The following KNDC1 variants were observed in gnomAD, a reference collection of about 807,000 sequenced individuals.
KNDC1 encodes kinase non-catalytic C-lobe domain-containing protein 1.
Under a neutral mutation model 172.8 loss-of-function variants are expected in KNDC1, and 106 were observed. The ratio of observed to expected loss-of-function variants is 0.61; its 90% CI spans 0.52 to 0.72. KNDC1 has a LOEUF of 0.72. Ranked by LOEUF, KNDC1 falls within the 30% of genes least tolerant of loss-of-function variation. The pLI is 0.00. For missense variants in KNDC1, 2,325 were observed against 2,394.5 expected (o/e 0.97, Z 0.61); for synonymous variants, 1,083 against 1,062.2 (o/e 1.02, Z -0.38).
intron 1 of KNDC1, among the ~76,000 whole-genome samples, chr10:133,161,149 A>C (rs1206801949): frequency 6.6e-6 from 1 of 152,042 alleles, no homozygotes; most frequent in Non-Finnish European, 1.5e-5. Flanking sequence ...CGCCCACCCT[A>C]CAGCACCGGC....
chr10:133,203,039 T>G (rs1175746602), intron 17 of KNDC1, among the ~76,000 whole-genome samples: 1 of 149,142 alleles, frequency 6.7e-6, no homozygotes, highest in African/African-American at 2.5e-5. Flanking sequence ...ACGCATGGCG[T>G]CCAGCGGGGA....
intron 3 of KNDC1, among the ~76,000 whole-genome samples, chr10:133,170,188 C>T (rs1388544586): frequency 6.6e-6 from 1 of 152,192 alleles, no homozygotes; most frequent in Non-Finnish European, 1.5e-5. Flanking sequence ...GTGTGTACAC[C>T]AAGAACACAT....
intron 17 of KNDC1, 124 bp from the exon 18 acceptor site, chr10:133,206,561 T>G: frequency 1.2e-6 from 1 of 815,146 alleles, no homozygotes; most frequent in Non-Finnish European, 2.1e-6. Flanking sequence ...TCTGTCTCCA[T>G]GGGACCCTGC....
In KNDC1 at chr10:133,186,237, C is replaced by G. The variant is rs749134109; in HGVS notation, c.889C>G (p.Leu297Val). The change falls in exon 6 of 30, where the codon CTC (leucine) becomes GTC (valine). Residue 297 changes from leucine (L) to valine (V), a missense_variant. By Grantham distance (32) the Leu-to-Val change is conservative (BLOSUM62 1). Transcript: ENST00000304613. Reference sequence around the variant, plus strand: ...CCTCGGGGAGCTGGACAGAGACGCCCTCAGGAGAAGCCGCCTGCGGAAGGT... The same window carrying G: ...CCTCGGGGAGCTGGACAGAGACGCCGTCAGGAGAAGCCGCCTGCGGAAGGT... ...RTLGELDRDA[L>V]RRSRLRKVQT... 1 of 1,593,730 alleles carries G rather than the reference C, an allele frequency of 6.3e-7. No homozygotes were observed. The highest frequency in any genetic ancestry group is 1.1e-5 in the South Asian group (1 of 88,304).
chr10:133,211,203 G>A (rs760729199), intron 21 of KNDC1, among the ~76,000 whole-genome samples: 3 of 149,336 alleles, frequency 2.0e-5, no homozygotes, highest in South Asian at 4.3e-4. Flanking sequence ...GACACTCCAC[G>A]CACCCCCTTG....
At position 133,160,320 on chromosome 10, in the gene KNDC1, A is replaced by G; in HGVS notation, c.-148A>G. On this transcript the variant is annotated 5_prime_UTR_variant, in exon 1 of 30. Transcript: ENST00000304613. ...CCCCCGGGCCCGCCCCGTATCCCTG[A>G]CCGCGTCCCCTGGAGACACTGCGGC... is the stretch of plus-strand genomic sequence containing the variant. 4.3e-6 allele frequency: 1 copy of G among 230,960 alleles called. No homozygotes were observed. The highest frequency in any genetic ancestry group is 7.8e-6 in the Non-Finnish European group (1 of 127,842). The allele number at this position is 230,960 out of a possible 1,614,324, so 14.3% of individuals were successfully genotyped here.
intron 1 of KNDC1, among the ~76,000 whole-genome samples, chr10:133,161,201 G>T (rs758365541): frequency 8.6e-4 from 131 of 152,324 alleles, no homozygotes; most frequent in Non-Finnish European, 1.6e-3. Flanking sequence ...CTGTAGCTCA[G>T]CTCTGGCTTG....
chr10:133,203,412 CTCTT>C (rs1854435878), intron 17 of KNDC1, among the ~76,000 whole-genome samples: 1 of 152,398 alleles, frequency 6.6e-6, no homozygotes, highest in South Asian at 2.1e-4. Context: ...GCTACTGTGT[CTCTT>C]TCAAAACAGG....
intron 1 of KNDC1, among the ~76,000 whole-genome samples, chr10:133,162,172 G>C (rs1208795235): frequency 6.6e-6 from 1 of 152,210 alleles, no homozygotes; most frequent in Non-Finnish European, 1.5e-5. Context: ...GGAAAGCATC[G>C]GGTGGTCCCT....
Position 133,199,501 on chromosome 10 carries a change from C to T in KNDC1, c.2802C>T (p.Phe934=). The part of the protein sequence containing the change: ...FALKDLTFAT[F]CGAISEKFCD... Reference sequence around the variant, plus strand: ...TGAAAGATCTCACCTTTGCCACTTTCTGTGGCGCCATTTCCGAGAAGTTCT... The same window carrying T: ...TGAAAGATCTCACCTTTGCCACTTTTTGTGGCGCCATTTCCGAGAAGTTCT... Residue 934 remains phenylalanine (F), a synonymous_variant, in exon 15 of 30, where the codon TTC becomes TTT. Transcript: ENST00000304613. The T allele has an allele frequency of 6.2e-7, 1 of 1,613,924 alleles. No individual in the cohort carries two copies. Among genetic ancestry groups the T allele is most frequent in the Non-Finnish European group, 8.5e-7 (1 of 1,179,978 alleles).
intron 23 of KNDC1, 55 bp downstream of exon 23, chr10:133,211,913 A>G: frequency 1.3e-6 from 2 of 1,537,290 alleles, no homozygotes; most frequent in East Asian, 4.5e-5. Context: ...TGGGTCCCTG[A>G]GCCCAGCCTC....
Position 133,198,322 on chromosome 10 carries a change from C to T in KNDC1, c.1907-15C>T, listed in dbSNP as rs775858785. On this transcript the variant is annotated splice_polypyrimidine_tract_variant and intron_variant, in intron 12 of 29. Transcript: ENST00000304613. ...CACTCCGCCCGCCCACACCCTCAGC[C>T]CCCTGGCTCCCCAGGCTTCCTGCCG... 7.7e-6 allele frequency: 12 copies of T among 1,553,888 alleles called. No individual in the cohort carries two copies. The African/African-American group carries it at 1.5e-4, about 19-fold the overall frequency.
At chr10:133,184,379 ATGC>A (rs1316336779) in intron 5 of KNDC1, among the ~76,000 whole-genome samples, 7 of 149,562 alleles carry the variant, frequency 4.7e-5, no homozygotes, top group South Asian at 2.1e-4. Flanking sequence ...GCACACACAC[ATGC>A]TGCGCACACA....
rs943068944 is a variant in KNDC1 at position 133,160,390 on chromosome 10, T to C, written c.-78T>C. On this transcript the variant is annotated 5_prime_UTR_variant, in exon 1 of 30. An upstream start codon of the reference 5' UTR is lost. Transcript: ENST00000304613. ...CGGGCGAGGGCCGGGCGCGTCTCCATGGAGCCAGGGCGCGCGTAGCCGAGC... is the reference window on the plus strand; with the variant it reads ...CGGGCGAGGGCCGGGCGCGTCTCCACGGAGCCAGGGCGCGCGTAGCCGAGC... The C allele has an allele frequency of 7.5e-5, 60 of 794,978 alleles. No individual in the cohort carries two copies. Among genetic ancestry groups the C allele is most frequent in the Non-Finnish European group, 9.2e-5 (55 of 597,824 alleles). 49.2% of individuals were successfully genotyped at this position (794,978 alleles called of 1,614,324 possible).
intron 2 of KNDC1, among the ~76,000 whole-genome samples, chr10:133,167,788 C>G (rs988617531): frequency 6.6e-6 from 1 of 152,162 alleles, no homozygotes; most frequent in Non-Finnish European, 1.5e-5. Flanking sequence ...ACGGCAGTCA[C>G]GCCTACCCTC....
intron 9 of KNDC1, among the ~76,000 whole-genome samples, chr10:133,193,098 A>G (rs3008392): frequency 0.023 from 2,843 of 121,134 alleles, 40 homozygotes; most frequent in Non-Finnish European, 0.038. Context: ...ATATATACAC[A>G]TATGGGGGGG....
Position 133,207,247 on chromosome 10 carries a change from C to T in KNDC1, c.3690C>T (p.Ser1230=). 1 of 1,613,052 alleles carries T rather than the reference C, an allele frequency of 6.2e-7. No individual in the cohort carries two copies. The highest frequency in any genetic ancestry group is 1.7e-5 in the Admixed American group (1 of 60,022). ...TLDFSPLDES[S]SLIFYNVNKH... ...ACTTCAGCCCCCTGGACGAGTCCTC[C>T]TCGCTCATCTTCTACAACGTCAACA... Residue 1230 remains serine, a synonymous_variant, in exon 20 of 30, where the codon TCC becomes TCT. Transcript: ENST00000304613.
chr10:133,212,898 C>T lies in KNDC1; in HGVS notation c.4419C>T (p.Phe1473=), dbSNP rs1845399747. ...CGGAGTACAGCACTCACCAGCTCTTCAGCCAGCTCACGCTGCTACAGCAGG... is the reference window on the plus strand; with the variant it reads ...CGGAGTACAGCACTCACCAGCTCTTTAGCCAGCTCACGCTGCTACAGCAGG... ...FLTEYSTHQL[F]SQLTLLQQEL... The change falls in exon 24 of 30, where the codon TTC becomes TTT. Residue 1473 remains phenylalanine (F), a synonymous_variant. Coordinates refer to ENST00000304613, the MANE Select transcript of KNDC1 (RefSeq NM_152643.8). 6.2e-7 allele frequency: 1 copy of T among 1,613,118 alleles called. No individual in the cohort carries two copies. The highest frequency in any genetic ancestry group is 1.7e-5 in the Admixed American group (1 of 59,974).
chr10:133,183,386 G>A lies in KNDC1; in HGVS notation c.403G>A (p.Glu135Lys). Residue 135 changes from glutamate (E) to lysine (K), a missense_variant, in exon 4 of 30, where the codon GAG (glutamate) becomes AAG (lysine). Transcript: ENST00000304613. ...SLGATLKAAL[E>K]YVAEPTLEPR... ...GGGGGCCACGCTGAAGGCCGCCCTCGAGTACGTGGCAGAGCCCACACTGGA... is the reference window on the plus strand; with the variant it reads ...GGGGGCCACGCTGAAGGCCGCCCTCAAGTACGTGGCAGAGCCCACACTGGA... The A allele has an allele frequency of 3.8e-6, 6 of 1,598,394 alleles. No individual in the cohort carries two copies. The highest frequency in any genetic ancestry group is 5.1e-6 in the Non-Finnish European group (6 of 1,174,438).
Sources: gnomAD v4.1 joint callset for allele counts (sites outside exome capture counted in the v4.1 genomes callset) on GRCh38, gnomAD v4.1.1 for gene constraint, MANE v1.5 for transcripts, NCBI Gene and HGNC (gene_info 2026-07-23, HGNC 2026-07-21) for gene names.